The following SORBS2 variants were observed in gnomAD, a reference collection of about 807,000 sequenced individuals.
SORBS2 encodes the protein sorbin and SH3 domain-containing protein 2.
A neutral mutation model predicts 97.7 loss-of-function variants in SORBS2; 46 were observed. The ratio of observed to expected loss-of-function variants is 0.47; its 90% confidence interval spans 0.37 to 0.60. The LOEUF (loss-of-function observed/expected upper bound fraction) is 0.60, where lower values mean the gene tolerates loss of function less well. Among genes scored for constraint, SORBS2 ranks in the 20% least tolerant of loss-of-function variants. SORBS2 has a pLI of 0.00. For missense variants in SORBS2, 1,316 were observed against 1,282.3 expected, an observed-to-expected ratio of 1.03 and a Z score of -0.40; for synonymous variants, 476 against 473.4, an observed-to-expected ratio of 1.01 and a Z score of -0.07.
At chr4:185,883,105 A>C (rs1433440178) in intron 1 of SORBS2, among the ~76,000 whole-genome samples, 1 of 152,206 alleles carries the variant, frequency 6.6e-6, no homozygotes, top group Non-Finnish European at 1.5e-5. Context: ...TACTGCTAAG[A>C]GAATAGAAAG....
intron 2 of SORBS2, among the ~76,000 whole-genome samples, chr4:185,699,906 T>C (rs1318032493): frequency 6.6e-6 from 1 of 152,242 alleles, no homozygotes; most frequent in African/African-American, 2.4e-5. Flanking sequence ...TTTCTCTATG[T>C]ACTAAATGTA....
chr4:185,691,105 T>C (rs2098085083), intron 2 of SORBS2, among the ~76,000 whole-genome samples: 2 of 152,108 alleles, frequency 1.3e-5, no homozygotes, highest in African/African-American at 2.4e-5. Flanking sequence ...TTTCACTATG[T>C]TGGTCAGGCT....
chr4:185,638,974 C>A, intron 4 of SORBS2: 1 of 1,522,566 alleles, frequency 6.6e-7, no homozygotes, highest in Non-Finnish European at 8.8e-7. Flanking sequence ...GAGTCGGGAG[C>A]TAGAAAGAGG....
At chr4:185,870,756 G>T (rs2099229974) in intron 1 of SORBS2, among the ~76,000 whole-genome samples, 1 of 152,204 alleles carries the variant, frequency 6.6e-6, no homozygotes, top group Non-Finnish European at 1.5e-5. Flanking sequence ...GTGATGTGAT[G>T]GGAAGGAGCC....
At chr4:185,796,209 A>T (rs1291171230) in intron 1 of SORBS2, among the ~76,000 whole-genome samples, 1 of 152,138 alleles carries the variant, frequency 6.6e-6, no homozygotes, top group Non-Finnish European at 1.5e-5. Context: ...ACCTGGCCCT[A>T]TGTGAAATTC....
chr4:185,752,565 C>T (rs527883870), intron 2 of SORBS2, among the ~76,000 whole-genome samples: 3 of 152,116 alleles, frequency 2.0e-5, no homozygotes, highest in Non-Finnish European at 2.9e-5. Context: ...CGTGAGCCAC[C>T]GTGCCCAGCC....
intron 1 of SORBS2, among the ~76,000 whole-genome samples, chr4:185,918,829 T>C (rs2099259579): frequency 6.6e-6 from 1 of 152,234 alleles, no homozygotes; most frequent in Non-Finnish European, 1.5e-5. Flanking sequence ...ACTTCTCTAA[T>C]GATGATGTAG....
At chr4:185,817,181 G>A (rs1298169210) in intron 1 of SORBS2, among the ~76,000 whole-genome samples, 1 of 151,714 alleles carries the variant, frequency 6.6e-6, no homozygotes, top group African/African-American at 2.4e-5. Flanking sequence ...AGTACCAGGT[G>A]GGGAAAAAAT....
chr4:185,659,923 ACC>A (rs762747180), upstream of SORBS2, among the ~76,000 whole-genome samples: 12 of 152,326 alleles, frequency 7.9e-5, no homozygotes, highest in Non-Finnish European at 1.8e-4. Context: ...CATTCTATGA[ACC>A]CATACCTTAT....
intron 1 of SORBS2, among the ~76,000 whole-genome samples, chr4:185,935,572 A>G (rs1029795250): frequency 1.3e-5 from 2 of 152,244 alleles, no homozygotes; most frequent in South Asian, 2.1e-4. Context: ...ACATTTTACC[A>G]TGAGTAGCCA....
intron 1 of SORBS2, among the ~76,000 whole-genome samples, chr4:185,785,728 G>A (rs2099053220): frequency 6.6e-6 from 1 of 152,180 alleles, no homozygotes. Context: ...ACTCACAGGA[G>A]GCCCTCCCCA....
intron 1 of SORBS2, among the ~76,000 whole-genome samples, chr4:185,907,832 T>C (rs768646073): frequency 8.5e-5 from 13 of 152,314 alleles, no homozygotes; most frequent in Non-Finnish European, 1.9e-4. Context: ...CTTCTCCTTG[T>C]ACAAATGTGC....
At chr4:185,664,443 T>C (rs2097568341) in intron 4 of SORBS2, among the ~76,000 whole-genome samples, 2 of 152,206 alleles carry the variant, frequency 1.3e-5, no homozygotes, top group Non-Finnish European at 2.9e-5. Flanking sequence ...TGCCTTCTTT[T>C]TTTGGTTAAA....
At chr4:185,838,077 G>T (rs1376306668) in intron 1 of SORBS2, among the ~76,000 whole-genome samples, 2 of 152,214 alleles carry the variant, frequency 1.3e-5, no homozygotes, top group Non-Finnish European at 2.9e-5. Flanking sequence ...AATTCCAACA[G>T]ATGATGCTTT....
intron 1 of SORBS2, among the ~76,000 whole-genome samples, chr4:185,911,519 C>T (rs1037272440): frequency 2.6e-5 from 4 of 152,206 alleles, no homozygotes; most frequent in Admixed American, 6.5e-5. Context: ...GCCACCACGC[C>T]CAGCCTGATT....
chr4:185,848,773 T>C (rs73019820), intron 1 of SORBS2, among the ~76,000 whole-genome samples: 288 of 151,820 alleles, frequency 1.9e-3, no homozygotes, highest in African/African-American at 6.6e-3. Flanking sequence ...CCACCATACC[T>C]GTCTAGGACA....
At chr4:185,885,088 G>A (rs910956356) in intron 1 of SORBS2, among the ~76,000 whole-genome samples, 3 of 152,186 alleles carry the variant, frequency 2.0e-5, no homozygotes, top group African/African-American at 7.2e-5. Flanking sequence ...TAATGTTGCT[G>A]GGAAAGAAGG....
intron 1 of SORBS2, among the ~76,000 whole-genome samples, chr4:185,955,698 A>G (rs977229165): frequency 1.3e-5 from 2 of 152,166 alleles, no homozygotes; most frequent in Non-Finnish European, 2.9e-5. Context: ...CACAGTGAAA[A>G]TATGCAGTGT....
At chr4:185,711,715 C>T (rs1207505707) in intron 2 of SORBS2, among the ~76,000 whole-genome samples, 1 of 152,150 alleles carries the variant, frequency 6.6e-6, no homozygotes, top group African/African-American at 2.4e-5. Context: ...AGAGGAATGT[C>T]CAAATGTGTT....
Sources: gnomAD v4.1 joint callset for allele counts (sites outside exome capture counted in the v4.1 genomes callset) on GRCh38, gnomAD v4.1.1 for gene constraint, MANE v1.5 for transcripts, NCBI Gene and HGNC (gene_info 2026-07-23, HGNC 2026-07-21) for gene names.